WDSUB1: variants seen among roughly 807,000 people sequenced by gnomAD.
WDSUB1 encodes WD repeat, SAM and U-box domain-containing protein 1.
Under a neutral mutation model 53.9 loss-of-function variants are expected in WDSUB1, and 49 were observed. That is an observed-to-expected ratio of 0.91 (90% CI 0.72 to 1.15). WDSUB1 has a LOEUF of 1.15. Ranked by LOEUF, WDSUB1 falls within the 50% of genes most tolerant of loss-of-function variation. WDSUB1 has a pLI of 0.00. For synonymous variants in WDSUB1, 194 were observed against 200.6 expected, an observed-to-expected ratio of 0.97 and a Z score of 0.28; for missense variants, 514 against 562.0, an observed-to-expected ratio of 0.91 and a Z score of 0.86.
intron 9 of WDSUB1, among the ~76,000 whole-genome samples, chr2:159,251,371 C>T (rs555109934): frequency 6.6e-6 from 1 of 152,234 alleles, no homozygotes; most frequent in South Asian, 2.1e-4. Context: ...ACTTACAATG[C>T]TTCTAGTATT....
chr2:159,283,116 G>A (rs758814361), intron 1 of WDSUB1, 23 bp from the exon 2 acceptor site: 1 of 1,549,372 alleles, frequency 6.5e-7, no homozygotes, highest in Non-Finnish European at 8.7e-7. Context: ...AGCAGATAAA[G>A]ATTATTTATT....
At position 159,256,320 on chromosome 2, in the gene WDSUB1, ATCC is replaced by A; in HGVS notation, c.1005_1007del (p.Glu335del). On this transcript the variant is annotated inframe_deletion, in exon 9 of 11. Transcript: ENST00000359774. ...CTTGTGCACAAAGCCATGTTGAGAC[ATCC>A]TCCTCTGACCAATCTTCGGTAAATT... 6.2e-7 allele frequency: 1 copy of A among 1,612,378 alleles called. No homozygotes were observed. Among genetic ancestry groups the A allele is most frequent in the Non-Finnish European group, 8.5e-7 (1 of 1,179,484 alleles).
chr2:159,280,013 A>G, intron 2 of WDSUB1, 68 bp from the exon 3 acceptor site: 1 of 1,407,728 alleles, frequency 7.1e-7, no homozygotes, highest in Non-Finnish European at 9.6e-7. Flanking sequence ...AGTCTCTAAC[A>G]GCAGCTTGAT....
Position 159,242,231 on chromosome 2 carries a change from A to G in WDSUB1, c.1274-6041T>C, listed in dbSNP as rs1451063379. 2.1e-5 allele frequency among the ~76,000 whole-genome samples: 3 copies of G among 146,138 alleles called. 1 individual carries two copies. Among genetic ancestry groups the G allele is most frequent in the African/African-American group, 5.4e-5 (2 of 37,026 alleles). On this transcript the variant is annotated intron_variant, in intron 10 of 10. Transcript: ENST00000359774. ...ACACCCAGCTAATTTTTTTTTAAAT[A>G]TATTTTTAGTAGAGACGGGGTTTTA...
chr2:159,272,718 A>C (rs1418130938), intron 4 of WDSUB1, among the ~76,000 whole-genome samples: 1 of 152,210 alleles, frequency 6.6e-6, no homozygotes, highest in Non-Finnish European at 1.5e-5. Flanking sequence ...ATATTTTCTC[A>C]TCCTGTAAAA....
chr2:159,241,279 C>A (rs926708654), intron 10 of WDSUB1, among the ~76,000 whole-genome samples: 5 of 152,202 alleles, frequency 3.3e-5, no homozygotes, highest in African/African-American at 1.2e-4. Context: ...GTAATTCTAA[C>A]CAAAATACCA....
chr2:159,272,128 G>A (rs751886511), intron 4 of WDSUB1, among the ~76,000 whole-genome samples: 8 of 152,208 alleles, frequency 5.3e-5, no homozygotes, highest in African/African-American at 9.6e-5. Context: ...GTTTCAGCCC[G>A]CTGCGTACAT....
At chr2:159,257,318 A>G (rs1290949131) in intron 8 of WDSUB1, among the ~76,000 whole-genome samples, 1 of 151,350 alleles carries the variant, frequency 6.6e-6, no homozygotes, top group African/African-American at 2.4e-5. Context: ...TTTTTAAATG[A>G]CATTAAATTT....
chr2:159,260,522 C>T (rs1575462255), intron 5 of WDSUB1, among the ~76,000 whole-genome samples: 1 of 152,174 alleles, frequency 6.6e-6, no homozygotes, highest in Non-Finnish European at 1.5e-5. Flanking sequence ...CTATTCTTTA[C>T]CATTGATAAG....
At chr2:159,245,435 A>G (rs954002454) in intron 10 of WDSUB1, among the ~76,000 whole-genome samples, 14 of 151,704 alleles carry the variant, frequency 9.2e-5, no homozygotes, top group African/African-American at 3.4e-4. Context: ...TGGGAGGCTG[A>G]GGCATGAGAA....
chr2:159,242,904 T>TAGTCCAATAGATATAAAAATATACA (rs2060697394), intron 10 of WDSUB1, among the ~76,000 whole-genome samples: 1 of 147,820 alleles, frequency 6.8e-6, no homozygotes, highest in African/African-American at 2.6e-5. Flanking sequence ...CTGAGGCAAT[T>TAGTCCAATAGATATAAAAATATACA]AGTCCAATAG....
In WDSUB1 at chr2:159,259,843, C is replaced by T; in HGVS notation, c.771G>A (p.Gly257=). 6.6e-7 allele frequency: 1 copy of T among 1,519,094 alleles called. No individual in the cohort carries two copies. The highest frequency in any genetic ancestry group is 8.9e-7 in the Non-Finnish European group (1 of 1,117,538). The allele number at this position is 1,519,094 out of a possible 1,614,324, so 94.1% of individuals were successfully genotyped here. Residue 257 remains glycine (G), a splice_region_variant and synonymous_variant, in exon 6 of 11, where the codon GGG becomes GGA. Coordinates refer to ENST00000359774, the MANE Select transcript of WDSUB1 (RefSeq NM_001128212.3). ...FSHDGQMLVS[G]SVDKSVIVYD... ...ATACTATGACAGACTTATCCACTGA[C>T]CTTAAAAGAAAATAAATTATAGGTG...
intron 10 of WDSUB1, among the ~76,000 whole-genome samples, chr2:159,236,769 G>A (rs2060494030): frequency 6.6e-6 from 1 of 152,090 alleles, no homozygotes; most frequent in Non-Finnish European, 1.5e-5. Flanking sequence ...GGGATCACAG[G>A]CACCTGGTAC....
chr2:159,285,985 CTT>C (rs2061786528), intron 1 of WDSUB1, among the ~76,000 whole-genome samples: 1 of 152,122 alleles, frequency 6.6e-6, no homozygotes, highest in African/African-American at 2.4e-5. Context: ...ACTCAGCTCC[CTT>C]TGCAAGTTCC....
intron 10 of WDSUB1, among the ~76,000 whole-genome samples, chr2:159,240,764 C>A (rs2060622823): frequency 6.6e-6 from 1 of 152,086 alleles, no homozygotes; most frequent in Non-Finnish European, 1.5e-5. Flanking sequence ...GGATTTAAAC[C>A]CAAGCAGTGT....
intron 1 of WDSUB1, among the ~76,000 whole-genome samples, chr2:159,283,661 C>CA (rs112252070): frequency 0.012 from 813 of 67,854 alleles, 5 homozygotes; most frequent in Middle Eastern, 0.052. Context: ...GCTCCGCCTT[C>CA]AAAAAAAAAA....
intron 5 of WDSUB1, among the ~76,000 whole-genome samples, chr2:159,266,279 C>T (rs1233962045): frequency 2.0e-5 from 3 of 151,964 alleles, no homozygotes; most frequent in Non-Finnish European, 4.4e-5. Context: ...AGCACCGCCT[C>T]CCGGGTTCAC....
At chr2:159,261,896 ATTTTTTTTTTTTTTTTTT>A (rs869067609) in intron 5 of WDSUB1, among the ~76,000 whole-genome samples, 387 of 22,558 alleles carry the variant, frequency 0.017, 5 homozygotes, top group Non-Finnish European at 0.019. Flanking sequence ...ATATATATAT[ATTTTTTTTTTTTTTTTTT>A]TTTTTTTTTT....
At chr2:159,277,870 A>G (rs1242160861) in intron 3 of WDSUB1, among the ~76,000 whole-genome samples, 1 of 152,212 alleles carries the variant, frequency 6.6e-6, no homozygotes, top group Admixed American at 6.5e-5. Flanking sequence ...AAGAAGGCAC[A>G]AAGATTAAAA....
Sources: gnomAD v4.1 joint callset for allele counts (sites outside exome capture counted in the v4.1 genomes callset) on GRCh38, gnomAD v4.1.1 for gene constraint, MANE v1.5 for transcripts, NCBI Gene and HGNC (gene_info 2026-07-23, HGNC 2026-07-21) for gene names.